Variants in CNTNAP5 observed in about 807,000 individuals in gnomAD.
CNTNAP5 encodes the protein contactin-associated protein-like 5.
Under a neutral mutation model 150.2 loss-of-function variants are expected in CNTNAP5, and 72 were observed. The ratio of observed to expected loss-of-function variants is 0.48; its 90% confidence interval spans 0.40 to 0.58. The LOEUF (loss-of-function observed/expected upper bound fraction) is 0.58, where lower values mean the gene tolerates loss of function less well. Among genes scored for constraint, CNTNAP5 ranks in the 20% least tolerant of loss-of-function variants. The probability of loss-of-function intolerance (pLI) is 0.00; values close to 1 mark genes in which losing one functional copy is unlikely to be tolerated. For missense variants in CNTNAP5, 1,636 were observed against 1,626.2 expected, an observed-to-expected ratio of 1.01 and a Z score of -0.10; for synonymous variants, 672 against 619.8, an observed-to-expected ratio of 1.08 and a Z score of -1.25.
intron 3 of CNTNAP5, among the ~76,000 whole-genome samples, chr2:124,333,415 G>A (rs923040567): frequency 6.6e-6 from 1 of 152,142 alleles, no homozygotes; most frequent in African/African-American, 2.4e-5. Context: ...TTTTAGAAAA[G>A]ACAAGGTAGG....
chr2:124,778,344 G>C (rs371308668), intron 17 of CNTNAP5: 1 of 152,238 alleles, frequency 6.6e-6, no homozygotes, highest in Non-Finnish European at 1.5e-5. Flanking sequence ...GGGATGGGAA[G>C]TGTGTCGAAA....
chr2:124,131,866 A>G (rs927170528), intron 1 of CNTNAP5, among the ~76,000 whole-genome samples: 1 of 152,166 alleles, frequency 6.6e-6, no homozygotes, highest in Non-Finnish European at 1.5e-5. Flanking sequence ...GAGTGGGGAT[A>G]AGGACAATGT....
chr2:124,767,125 A>T (rs923085133), intron 16 of CNTNAP5, among the ~76,000 whole-genome samples: 1 of 152,160 alleles, frequency 6.6e-6, no homozygotes, highest in East Asian at 1.9e-4. Flanking sequence ...ACCTCTATAG[A>T]CCAGGCACTT....
chr2:124,029,102 A>T (rs540531706), intron 1 of CNTNAP5, among the ~76,000 whole-genome samples: 21 of 152,206 alleles, frequency 1.4e-4, no homozygotes, highest in African/African-American at 5.1e-4. Context: ...TTGTTGCTAC[A>T]TATTAGGGTC....
intron 1 of CNTNAP5, among the ~76,000 whole-genome samples, chr2:124,158,110 C>A (rs1419740057): frequency 1.3e-5 from 2 of 152,126 alleles, no homozygotes; most frequent in African/African-American, 2.4e-5. Context: ...AATCCTGGAG[C>A]CACTGAACCT....
At chr2:124,090,312 A>T (rs1439140) in intron 1 of CNTNAP5, among the ~76,000 whole-genome samples, 14,066 of 152,118 alleles carry the variant, frequency 0.092, 716 homozygotes, top group Non-Finnish European at 0.12. Context: ...TTGGGGGAGG[A>T]TATTGCTTTT....
At chr2:124,428,251 T>C (rs927947779) in intron 4 of CNTNAP5, among the ~76,000 whole-genome samples, 1 of 152,134 alleles carries the variant, frequency 6.6e-6, no homozygotes, top group Admixed American at 6.5e-5. Flanking sequence ...TGACCCTGCC[T>C]GGACACCCTC....
At chr2:124,218,955 T>C (rs144010923) in intron 1 of CNTNAP5, among the ~76,000 whole-genome samples, 1 of 152,306 alleles carries the variant, frequency 6.6e-6, no homozygotes, top group African/African-American at 2.4e-5. Flanking sequence ...AAAGCTATCC[T>C]GATTGCCTCT....
chr2:124,572,228 T>C (rs183671427), intron 11 of CNTNAP5, among the ~76,000 whole-genome samples: 265 of 150,922 alleles, frequency 1.8e-3, no homozygotes, highest in Middle Eastern at 6.8e-3. Flanking sequence ...ATGCTTCTTC[T>C]GGGAGGGAGA....
intron 7 of CNTNAP5, among the ~76,000 whole-genome samples, chr2:124,477,810 A>C (rs1693677035): frequency 6.6e-6 from 1 of 152,108 alleles, no homozygotes. Context: ...TGATTGGAGC[A>C]GGGGCACTAC....
At chr2:124,423,265 T>C (rs1158752414) in intron 4 of CNTNAP5, among the ~76,000 whole-genome samples, 3 of 152,206 alleles carry the variant, frequency 2.0e-5, no homozygotes, top group African/African-American at 7.2e-5. Flanking sequence ...CCAAAAAGTG[T>C]TAGTTACAAG....
intron 1 of CNTNAP5, among the ~76,000 whole-genome samples, chr2:124,215,926 C>T (rs1347088489): frequency 6.6e-6 from 1 of 152,118 alleles, no homozygotes. Flanking sequence ...CTAGGGCCAC[C>T]TACAAACAGT....
At chr2:124,855,864 CT>C (rs1410862632) in intron 19 of CNTNAP5, among the ~76,000 whole-genome samples, 2 of 152,124 alleles carry the variant, frequency 1.3e-5, no homozygotes, top group African/African-American at 4.8e-5. Flanking sequence ...CCTCATCCCC[CT>C]TTCACCCTTA....
intron 13 of CNTNAP5, among the ~76,000 whole-genome samples, chr2:124,703,099 CT>C (rs1197799766): frequency 7.0e-5 from 10 of 143,246 alleles, no homozygotes; most frequent in African/African-American, 2.8e-4. Flanking sequence ...TTCAGCTTTC[CT>C]TCCTTCCTTC....
intron 3 of CNTNAP5, among the ~76,000 whole-genome samples, chr2:124,400,606 C>G (rs1691385642): frequency 6.6e-6 from 1 of 151,704 alleles, no homozygotes; most frequent in Non-Finnish European, 1.5e-5. Context: ...CTCTAGTTCC[C>G]TACCTCATTG....
At chr2:124,517,898 G>T (rs1452411010) in intron 8 of CNTNAP5, among the ~76,000 whole-genome samples, 1 of 150,932 alleles carries the variant, frequency 6.6e-6, no homozygotes, top group African/African-American at 2.4e-5. Context: ...GAGGGTTGTG[G>T]TATTGGTGAA....
At chr2:124,047,788 G>A (rs1276952399) in intron 1 of CNTNAP5, among the ~76,000 whole-genome samples, 1 of 152,144 alleles carries the variant, frequency 6.6e-6, no homozygotes, top group Non-Finnish European at 1.5e-5. Flanking sequence ...TGCACTCCAT[G>A]GTATTTATTG....
intron 1 of CNTNAP5, among the ~76,000 whole-genome samples, chr2:124,171,873 T>C (rs1378102843): frequency 6.6e-6 from 1 of 152,226 alleles, no homozygotes; most frequent in East Asian, 1.9e-4. Context: ...AGCCAGTCTC[T>C]TTCGGCCAGC....
chr2:124,283,290 T>G (rs1688062098), intron 3 of CNTNAP5, among the ~76,000 whole-genome samples: 1 of 151,998 alleles, frequency 6.6e-6, no homozygotes, highest in Non-Finnish European at 1.5e-5. Context: ...GTGGAACTGC[T>G]CCTCAGGACA....
Sources: allele counts gnomAD v4.1 joint callset (sites outside exome capture counted in the v4.1 genomes callset), GRCh38; gene constraint gnomAD v4.1.1; transcripts MANE v1.5; gene names NCBI Gene and HGNC (gene_info 2026-07-23, HGNC 2026-07-21).